The following CTNNA3 variants were observed in gnomAD, a reference collection of about 807,000 sequenced individuals.
CTNNA3 encodes the protein catenin alpha 3.
CTNNA3 carries 76 observed loss-of-function variants against 95.7 expected under a neutral mutation model. That is an observed-to-expected ratio of 0.79 (90% confidence interval 0.66 to 0.96). The LOEUF (loss-of-function observed/expected upper bound fraction) is 0.96, where lower values mean the gene tolerates loss of function less well. CTNNA3 is among the 40% of genes least tolerant of loss of function. The pLI is 0.00. For synonymous variants in CTNNA3, 431 were observed against 374.4 expected (o/e 1.15, Z -1.74); for missense variants, 1,191 against 1,089.8 (o/e 1.09, Z -1.31).
intron 5 of CTNNA3, among the ~76,000 whole-genome samples, chr10:67,494,624 T>C (rs1838966741): frequency 6.6e-6 from 1 of 152,214 alleles, no homozygotes. Context: ...CATTTACTAT[T>C]TGTGTGTTCT....
At chr10:67,079,858 AACACACACAC>A (rs199928311) in intron 7 of CTNNA3, among the ~76,000 whole-genome samples, 3,950 of 141,282 alleles carry the variant, frequency 0.028, 111 homozygotes, top group African/African-American at 0.075. Context: ...AAAAAAACAA[AACACACACAC>A]ACACACACAC....
At chr10:65,931,707 A>G (rs1354154546) in intron 17 of CTNNA3, among the ~76,000 whole-genome samples, 1 of 152,200 alleles carries the variant, frequency 6.6e-6, no homozygotes, top group Non-Finnish European at 1.5e-5. Flanking sequence ...CTCTCTTCAA[A>G]TCAGAAGTCT....
At chr10:66,775,981 C>T (rs1162047060) in intron 7 of CTNNA3, among the ~76,000 whole-genome samples, 2 of 152,170 alleles carry the variant, frequency 1.3e-5, no homozygotes, top group Admixed American at 6.6e-5. Context: ...GTATGCAGTG[C>T]AAATTCATAC....
chr10:66,007,837 T>TCCTC (rs755592644), intron 15 of CTNNA3, among the ~76,000 whole-genome samples: 2 of 135,726 alleles, frequency 1.5e-5, no homozygotes, highest in Non-Finnish European at 3.2e-5. Context: ...CTTCCTTTCC[T>TCCTC]CCTCCCTCCC....
chr10:67,717,464 GC>G (rs1365086106), intron 1 of CTNNA3, among the ~76,000 whole-genome samples: 2 of 152,074 alleles, frequency 1.3e-5, no homozygotes, highest in Admixed American at 6.6e-5. Context: ...TTATATTTAA[GC>G]CTTTAATCCA....
intron 5 of CTNNA3, among the ~76,000 whole-genome samples, chr10:67,254,670 G>A (rs540078377): frequency 4.6e-5 from 7 of 152,222 alleles, no homozygotes; most frequent in Non-Finnish European, 7.4e-5. Context: ...TCGTAATGTC[G>A]TATATTTTTA....
intron 7 of CTNNA3, among the ~76,000 whole-genome samples, chr10:66,855,016 A>G (rs1285743627): frequency 6.6e-6 from 1 of 151,898 alleles, no homozygotes; most frequent in Non-Finnish European, 1.5e-5. Context: ...TTATAACACA[A>G]TGTCTGGCAC....
At chr10:66,517,894 G>A (rs1840920785) in intron 11 of CTNNA3, among the ~76,000 whole-genome samples, 2 of 152,186 alleles carry the variant, frequency 1.3e-5, no homozygotes, top group East Asian at 1.9e-4. Context: ...TGCGTTTTCT[G>A]TACAGAATTT....
intron 9 of CTNNA3, among the ~76,000 whole-genome samples, chr10:66,697,485 G>A (rs2132559006): frequency 6.6e-6 from 1 of 151,708 alleles, no homozygotes; most frequent in East Asian, 1.9e-4. Flanking sequence ...GTATATGTGT[G>A]TATATATATT....
intron 5 of CTNNA3, among the ~76,000 whole-genome samples, chr10:67,244,757 G>T (rs533837305): frequency 6.6e-6 from 1 of 152,160 alleles, no homozygotes; most frequent in Admixed American, 6.5e-5. Context: ...AATGTACCAC[G>T]TAAAAGCTAG....
chr10:66,087,851 T>C (rs1207860915), intron 14 of CTNNA3, among the ~76,000 whole-genome samples: 2 of 152,104 alleles, frequency 1.3e-5, no homozygotes, highest in Non-Finnish European at 2.9e-5. Flanking sequence ...GTAGTGCTAC[T>C]GTTTGGAAAT....
chr10:67,089,514 A>G (rs1857502018), intron 7 of CTNNA3, among the ~76,000 whole-genome samples: 2 of 152,094 alleles, frequency 1.3e-5, no homozygotes, highest in Admixed American at 6.6e-5. Context: ...AATCAGTTTC[A>G]AAGTAAAGTA....
intron 5 of CTNNA3, among the ~76,000 whole-genome samples, chr10:67,492,878 C>T (rs889818729): frequency 1.3e-5 from 2 of 152,120 alleles, no homozygotes; most frequent in African/African-American, 4.8e-5. Flanking sequence ...GGCTGTTGAG[C>T]TGGTCACAAG....
At chr10:66,764,694 G>T (rs1839770110) in intron 9 of CTNNA3, among the ~76,000 whole-genome samples, 1 of 152,132 alleles carries the variant, frequency 6.6e-6, no homozygotes, top group Non-Finnish European at 1.5e-5. Context: ...GACTGTCAGG[G>T]ACTGTGCTTA....
chr10:67,685,071 G>A (rs182803159), intron 1 of CTNNA3, among the ~76,000 whole-genome samples: 25 of 152,348 alleles, frequency 1.6e-4, no homozygotes, highest in African/African-American at 5.8e-4. Context: ...CTGCCGAAGA[G>A]TCTATTTGGG....
chr10:67,614,582 G>A (rs1843586857), intron 2 of CTNNA3, among the ~76,000 whole-genome samples: 1 of 152,122 alleles, frequency 6.6e-6, no homozygotes, highest in East Asian at 1.9e-4. Context: ...CTGACAGGAG[G>A]CAGAGCTCAG....
chr10:67,366,843 A>G (rs934303102), intron 5 of CTNNA3, among the ~76,000 whole-genome samples: 6 of 152,136 alleles, frequency 3.9e-5, no homozygotes, highest in African/African-American at 1.4e-4. Context: ...CCTACCTCTA[A>G]CTACATACAA....
chr10:67,594,510 G>T (rs980985937), intron 3 of CTNNA3, among the ~76,000 whole-genome samples: 13 of 152,048 alleles, frequency 8.5e-5, no homozygotes, highest in African/African-American at 3.1e-4. Flanking sequence ...AAATTTATCA[G>T]TTTCTTCTAG....
intron 9 of CTNNA3, among the ~76,000 whole-genome samples, chr10:66,642,432 T>C (rs1845553673): frequency 6.6e-6 from 1 of 151,976 alleles, no homozygotes; most frequent in African/African-American, 2.4e-5. Flanking sequence ...TACACACCAG[T>C]TGTGTGAGTG....
Sources: gnomAD v4.1 joint callset for allele counts (sites outside exome capture counted in the v4.1 genomes callset) on GRCh38, gnomAD v4.1.1 for gene constraint, MANE v1.5 for transcripts, NCBI Gene and HGNC (gene_info 2026-07-23, HGNC 2026-07-21) for gene names.